The following LARGE1 variants were observed in gnomAD, a reference collection of about 807,000 sequenced individuals.
The protein encoded by LARGE1 is LARGE xylosyl- and glucuronyltransferase 1.
A neutral mutation model predicts 87.6 loss-of-function variants in LARGE1; 43 were observed. The observed-to-expected ratio is 0.49, with a 90% CI of 0.38 to 0.63. LARGE1 has a LOEUF of 0.63. Ranked by LOEUF, LARGE1 falls within the 30% of genes least tolerant of loss-of-function variation. LARGE1 has a pLI of 0.00. For missense variants in LARGE1, 802 were observed against 1,000.2 expected (o/e 0.80, Z 2.67); for synonymous variants, 434 against 394.6 (o/e 1.10, Z -1.18).
chr22:33,798,002 G>A (rs373100319), intron 1 of LARGE1, among the ~76,000 whole-genome samples: 34 of 152,358 alleles, frequency 2.2e-4, no homozygotes, highest in African/African-American at 7.9e-4. Flanking sequence ...GCCGGGTGCA[G>A]TGGCTTACAC....
intron 6 of LARGE1, among the ~76,000 whole-genome samples, chr22:33,562,491 A>G (rs1034988304): frequency 6.6e-6 from 1 of 152,178 alleles, no homozygotes. Flanking sequence ...AAAAGAATGA[A>G]CAAATAAAAT....
intron 1 of LARGE1, among the ~76,000 whole-genome samples, chr22:33,806,759 C>A (rs1380541855): frequency 1.3e-5 from 2 of 152,170 alleles, no homozygotes; most frequent in African/African-American, 2.4e-5. Context: ...TGCCTGTAAT[C>A]TCAGCGCTTT....
chr22:33,197,858 T>C (rs941133884), intron 11 of LARGE1, among the ~76,000 whole-genome samples: 1 of 152,070 alleles, frequency 6.6e-6, no homozygotes, highest in Non-Finnish European at 1.5e-5. Flanking sequence ...AGAACTGATA[T>C]CAAAATTGAC....
chr22:33,133,612 C>T, the LARGE1 span, among the ~76,000 whole-genome samples: 48 of 152,288 alleles, frequency 3.2e-4, no homozygotes, highest in Non-Finnish European at 5.7e-4. Flanking sequence ...CAACTCTTTG[C>T]TGTTGTGAAT....
At chr22:33,537,971 T>C (rs2077089042) in intron 6 of LARGE1, among the ~76,000 whole-genome samples, 1 of 152,204 alleles carries the variant, frequency 6.6e-6, no homozygotes. Context: ...GAGGAGGACC[T>C]GCGATTCCAA....
chr22:33,642,710 CA>C (rs60815644), intron 3 of LARGE1, among the ~76,000 whole-genome samples: 844 of 17,194 alleles, frequency 0.049, no homozygotes, highest in East Asian at 0.1. Flanking sequence ...AAATGGAAAG[CA>C]AAAAAAAAAA....
At chr22:33,279,697 T>G (rs1770615704) in intron 13 of LARGE1, among the ~76,000 whole-genome samples, 1 of 152,204 alleles carries the variant, frequency 6.6e-6, no homozygotes, top group South Asian at 2.1e-4. Context: ...AATGCCATTT[T>G]CATGGAGTGT....
intron 10 of LARGE1, among the ~76,000 whole-genome samples, chr22:33,317,214 AAAAC>A (rs772830508): frequency 9.9e-5 from 15 of 152,284 alleles, no homozygotes; most frequent in East Asian, 3.9e-4. Flanking sequence ...ACTCCAACTC[AAAAC>A]AAACAAACAA....
the LARGE1 span, among the ~76,000 whole-genome samples, chr22:33,147,395 A>G: frequency 6.6e-6 from 1 of 152,198 alleles, no homozygotes; most frequent in Non-Finnish European, 1.5e-5. Context: ...GTTGGGCCTC[A>G]TCCTCACAAA....
Position 33,680,462 on chromosome 22 carries a change from G to A in LARGE1, c.107-29794C>T, listed in dbSNP as rs185837042. On this transcript the variant is annotated intron_variant, in intron 2 of 14. Coordinates refer to ENST00000397394, the MANE Select transcript of LARGE1 (RefSeq NM_133642.5). ...TTGGGAGATTTCTAACTCCAGAATGGGGTGGGGGGCAGAAGAGACCTTTGA... is the reference window on the plus strand; with the variant it reads ...TTGGGAGATTTCTAACTCCAGAATGAGGTGGGGGGCAGAAGAGACCTTTGA... 4.8e-3 allele frequency among the ~76,000 whole-genome samples: 718 copies of A among 149,834 alleles called. 4 individuals carry two copies. Among genetic ancestry groups the A allele is most frequent in the African/African-American group, 0.017 (698 of 41,324 alleles).
chr22:33,262,967 A>G (rs1927726425), intron 11 of LARGE1, among the ~76,000 whole-genome samples: 1 of 150,528 alleles, frequency 6.6e-6, no homozygotes, highest in African/African-American at 2.5e-5. Context: ...ATCTCAGCTC[A>G]CTGAAACCTC....
chr22:33,100,494 A>G, the LARGE1 span, among the ~76,000 whole-genome samples: 1 of 152,192 alleles, frequency 6.6e-6, no homozygotes, highest in African/African-American at 2.4e-5. Context: ...AGACTGTAAT[A>G]GCCACATAAG....
chr22:33,121,949 G>C, the LARGE1 span, among the ~76,000 whole-genome samples: 1 of 152,072 alleles, frequency 6.6e-6, no homozygotes, highest in Non-Finnish European at 1.5e-5. Flanking sequence ...GCATGGGAAA[G>C]ACCCACCCCC....
intron 7 of LARGE1, among the ~76,000 whole-genome samples, chr22:33,411,269 A>G (rs1438649455): frequency 6.6e-6 from 1 of 152,256 alleles, no homozygotes; most frequent in Non-Finnish European, 1.5e-5. Context: ...GCAGCCAGGC[A>G]GAGTTAGCCA....
the LARGE1 span, among the ~76,000 whole-genome samples, chr22:33,094,930 G>T: frequency 3.3e-5 from 5 of 152,120 alleles, no homozygotes; most frequent in African/African-American, 4.8e-5. Context: ...TGTTGGTCAG[G>T]CTTGTCTTGA....
At chr22:33,120,362 C>CTTTCTTTCTTTCTTTCTT in the LARGE1 span, among the ~76,000 whole-genome samples, 6 of 83,098 alleles carry the variant, frequency 7.2e-5, no homozygotes, top group African/African-American at 3.5e-4. Flanking sequence ...CTTTCTTTTT[C>CTTTCTTTCTTTCTTTCTT]TTTCTTTCTT....
At chr22:33,081,976 G>A in the LARGE1 span, among the ~76,000 whole-genome samples, 120 of 152,238 alleles carry the variant, frequency 7.9e-4, no homozygotes, top group African/African-American at 2.7e-3. Context: ...AATTTAAATC[G>A]AGGTCAGCTT....
intron 1 of LARGE1, among the ~76,000 whole-genome samples, chr22:33,857,644 T>G (rs777137062): frequency 2.0e-5 from 3 of 152,122 alleles, no homozygotes; most frequent in Non-Finnish European, 4.4e-5. Context: ...ACACAAGAGA[T>G]CTCGCCTTTG....
At chr22:33,757,074 C>T (rs548348308) in intron 2 of LARGE1, among the ~76,000 whole-genome samples, 14 of 152,172 alleles carry the variant, frequency 9.2e-5, no homozygotes, top group Non-Finnish European at 1.5e-4. Context: ...CTAACAAAAA[C>T]ACCACCTGAT....
Sources: gnomAD v4.1 joint callset for allele counts (sites outside exome capture counted in the v4.1 genomes callset) on GRCh38, gnomAD v4.1.1 for gene constraint, MANE v1.5 for transcripts, NCBI Gene and HGNC (gene_info 2026-07-23, HGNC 2026-07-21) for gene names.